Variants in SMOC2 observed in about 807,000 individuals in gnomAD.
SMOC2 encodes the protein SPARC related modular calcium binding 2.
In SMOC2, 39 loss-of-function variants were observed where a neutral mutation model predicts 61.4. That is an observed-to-expected ratio of 0.64 (90% CI 0.49 to 0.83). The LOEUF (loss-of-function observed/expected upper bound fraction) is 0.83, where lower values mean the gene tolerates loss of function less well. Ranked by LOEUF, SMOC2 falls within the 40% of genes least tolerant of loss-of-function variation. The pLI, the probability that SMOC2 is intolerant of heterozygous loss-of-function variation, is 0.00. For missense variants in SMOC2, 556 were observed against 592.9 expected, an observed-to-expected ratio of 0.94 and a Z score of 0.65; for synonymous variants, 247 against 239.9, an observed-to-expected ratio of 1.03 and a Z score of -0.27.
intron 1 of SMOC2, among the ~76,000 whole-genome samples, chr6:168,442,157 C>T (rs982527706): frequency 6.6e-6 from 1 of 152,262 alleles, no homozygotes; most frequent in Non-Finnish European, 1.5e-5. Context: ...GCTTTCTTCC[C>T]TTCTCAGGAC....
chr6:168,526,209 G>A (rs1018905834), intron 2 of SMOC2, 137 bp from the exon 3 acceptor site: 1 of 695,624 alleles, frequency 1.4e-6, no homozygotes, highest in African/African-American at 1.8e-5. Context: ...GAGCTGAGCT[G>A]CCTGTGAAGC....
chr6:168,569,795 C>G (rs756626319), intron 7 of SMOC2, among the ~76,000 whole-genome samples: 2 of 152,176 alleles, frequency 1.3e-5, no homozygotes, highest in East Asian at 1.9e-4. Context: ...TTCTCCCTGT[C>G]TGCAGCTTGT....
intron 2 of SMOC2, among the ~76,000 whole-genome samples, chr6:168,518,774 T>C (rs1165163881): frequency 6.6e-6 from 1 of 151,630 alleles, no homozygotes; most frequent in Non-Finnish European, 1.5e-5. Context: ...TGTGCGTGTG[T>C]GCATGTGTGA....
At position 168,650,809 on chromosome 6, in the gene SMOC2, C is replaced by A. The variant is rs535401452; in HGVS notation, c.1010+26C>A. ...GTACGCTGTGTTCGCCGTGGGACAA[C>A]AAGTTGGCAGGGTCCCAGAATTCTG... On this transcript the variant is annotated intron_variant, in intron 10 of 12. Transcript: ENST00000356284. 9.4e-6 allele frequency: 15 copies of A among 1,590,640 alleles called. No individual in the cohort carries two copies. The East Asian group carries it at 3.4e-4, about 36-fold the overall frequency.
intron 1 of SMOC2, among the ~76,000 whole-genome samples, chr6:168,463,783 C>G (rs928147282): frequency 1.3e-5 from 2 of 152,198 alleles, no homozygotes; most frequent in African/African-American, 4.8e-5. Context: ...CAGGCATCAT[C>G]TCTACAGGGG....
chr6:168,640,167 C>T (rs1232151712), intron 9 of SMOC2, among the ~76,000 whole-genome samples: 1 of 101,016 alleles, frequency 9.9e-6, no homozygotes, highest in Non-Finnish European at 2.0e-5. Context: ...TATCAGCACA[C>T]GGTCTTGGTG....
At chr6:168,564,202 A>G (rs1484996095) in intron 7 of SMOC2, among the ~76,000 whole-genome samples, 2 of 152,156 alleles carry the variant, frequency 1.3e-5, no homozygotes, top group African/African-American at 4.8e-5. Flanking sequence ...TATTCTAGAT[A>G]CAAGTCCTTA....
At chr6:168,609,874 C>T (rs1431121178) in intron 9 of SMOC2, among the ~76,000 whole-genome samples, 1 of 152,132 alleles carries the variant, frequency 6.6e-6, no homozygotes, top group African/African-American at 2.4e-5. Context: ...GCACTGTGGT[C>T]TTCACACAGG....
chr6:168,624,360 G>A lies in SMOC2; in HGVS notation c.907+16121G>A, dbSNP rs576351747. On this transcript the variant is annotated intron_variant, in intron 9 of 12. Transcript: ENST00000356284. ...CATGTGAACACGCACATATGTAGAC[G>A]AAGCTCGCTAGAGAAACATTCTGTA... Among the ~76,000 whole-genome samples, 60 of 152,320 alleles carry A rather than the reference G, an allele frequency of 3.9e-4. 1 individual carries two copies. Among genetic ancestry groups the A allele is most frequent in the Non-Finnish European group, 1.6e-4 (11 of 68,030 alleles).
intron 1 of SMOC2, among the ~76,000 whole-genome samples, chr6:168,481,639 A>G (rs1782209108): frequency 6.6e-6 from 1 of 152,072 alleles, no homozygotes; most frequent in African/African-American, 2.4e-5. Flanking sequence ...TAAGAAATAA[A>G]TAGAAAAATG....
intron 1 of SMOC2, among the ~76,000 whole-genome samples, chr6:168,451,238 C>T (rs938236522): frequency 2.0e-5 from 3 of 152,120 alleles, no homozygotes; most frequent in African/African-American, 7.2e-5. Context: ...ATTGAACTCC[C>T]GAGTACATGT....
intron 5 of SMOC2, 77 bp downstream of exon 5, chr6:168,543,749 G>A (rs3734424): frequency 0.016 from 21,421 of 1,366,184 alleles, 291 homozygotes; most frequent in African/African-American, 0.056. Flanking sequence ...TCAAGTTAAA[G>A]TTGAAACATC....
At chr6:168,653,412 G>T (rs1787249167) in intron 11 of SMOC2, among the ~76,000 whole-genome samples, 184 bp downstream of exon 11, 1 of 152,246 alleles carries the variant, frequency 6.6e-6, no homozygotes, top group Non-Finnish European at 1.5e-5. Flanking sequence ...CTCATCACAT[G>T]CCACTTGCCC....
intron 2 of SMOC2, among the ~76,000 whole-genome samples, chr6:168,522,868 A>C (rs1783361602): frequency 6.6e-6 from 1 of 152,088 alleles, no homozygotes; most frequent in African/African-American, 2.4e-5. Context: ...ATTTGTAGAG[A>C]CAGGAGGTAG....
At chr6:168,620,357 A>G (rs1198818848) in intron 9 of SMOC2, among the ~76,000 whole-genome samples, 3 of 152,210 alleles carry the variant, frequency 2.0e-5, no homozygotes, top group African/African-American at 4.8e-5. Flanking sequence ...TGCCTGTTGC[A>G]TAGGTGGTGC....
intron 7 of SMOC2, among the ~76,000 whole-genome samples, chr6:168,579,010 C>T (rs368607302): frequency 3.3e-5 from 5 of 152,308 alleles, no homozygotes; most frequent in East Asian, 3.9e-4. Context: ...TGCCCACCAC[C>T]GACAGGTTTC....
intron 2 of SMOC2, among the ~76,000 whole-genome samples, chr6:168,519,222 AGT>A (rs1562567345): frequency 7.6e-6 from 1 of 130,746 alleles, no homozygotes; most frequent in Non-Finnish European, 1.7e-5. Context: ...TGTGTGAGAG[AGT>A]GTGTATACGT....
At chr6:168,633,735 G>C (rs1391637239) in intron 9 of SMOC2, among the ~76,000 whole-genome samples, 1 of 152,280 alleles carries the variant, frequency 6.6e-6, no homozygotes, top group South Asian at 2.1e-4. Flanking sequence ...CAGAGACACT[G>C]TCATTTTGGG....
At chr6:168,491,675 G>T (rs1206133722) in intron 1 of SMOC2, among the ~76,000 whole-genome samples, 1 of 152,180 alleles carries the variant, frequency 6.6e-6, no homozygotes, top group African/African-American at 2.4e-5. Context: ...TAAAGTATCT[G>T]CATGAGCTGT....
Sources: allele counts gnomAD v4.1 joint callset (sites outside exome capture counted in the v4.1 genomes callset), GRCh38; gene constraint gnomAD v4.1.1; transcripts MANE v1.5; gene names NCBI Gene and HGNC (gene_info 2026-07-23, HGNC 2026-07-21).